The following SDK2 variants were observed in gnomAD, a reference collection of about 807,000 sequenced individuals.
SDK2 encodes sidekick cell adhesion molecule 2, also known as protein sidekick-2.
In SDK2, 105 loss-of-function variants were observed where a neutral mutation model predicts 253.9. The ratio of observed to expected loss-of-function variants is 0.41; its 90% CI spans 0.35 to 0.49. SDK2 has a LOEUF of 0.49. Ranked by LOEUF, SDK2 falls within the 20% of genes least tolerant of loss-of-function variation. SDK2 has a pLI of 0.06. For synonymous variants in SDK2, 1,249 were observed against 1,234.9 expected (o/e 1.01, Z -0.24); for missense variants, 2,608 against 3,003.0 (o/e 0.87, Z 3.07).
intron 5 of SDK2, among the ~76,000 whole-genome samples, chr17:73,446,649 G>A (rs1247728514): frequency 3.3e-5 from 5 of 152,200 alleles, no homozygotes; most frequent in African/African-American, 1.2e-4. Flanking sequence ...CTTGCCGCTG[G>A]TGGGCAAGTA....
intron 1 of SDK2, among the ~76,000 whole-genome samples, chr17:73,546,630 A>T (rs1349383324): frequency 1.3e-5 from 2 of 152,210 alleles, no homozygotes; most frequent in Non-Finnish European, 2.9e-5. Flanking sequence ...TGGACTGGGC[A>T]GCAGGTGTGG....
rs2063317991 is a variant in SDK2, at chr17:73,430,516, G to A, written c.1578C>T (p.Thr526=). 6.2e-7 allele frequency: 1 copy of A among 1,605,902 alleles called. No individual in the cohort carries two copies. Among genetic ancestry groups the A allele is most frequent in the Non-Finnish European group, 8.5e-7 (1 of 1,175,606 alleles). Residue 526 remains threonine (T), a synonymous_variant, in exon 12 of 45, where the codon ACC becomes ACT. Coordinates refer to ENST00000392650, the MANE Select transcript of SDK2 (RefSeq NM_001144952.2). ...GTCAACAGCAGAGCCAGTACCTGAT[G>A]GTTACTCGGGGGTCGTGGGTCACTC... ...VCGVTHDPRV[T]IRYIWEKDGA...
intron 1 of SDK2, among the ~76,000 whole-genome samples, chr17:73,573,476 C>T (rs2045415697): frequency 6.6e-6 from 1 of 152,116 alleles, no homozygotes. Context: ...CAGGAATGGT[C>T]ACCTCTACCC....
chr17:73,461,455 G>C (rs2063562002), intron 3 of SDK2, among the ~76,000 whole-genome samples: 1 of 152,260 alleles, frequency 6.6e-6, no homozygotes, highest in Non-Finnish European at 1.5e-5. Flanking sequence ...ACCTACTTCA[G>C]ACTGGGATTT....
intron 1 of SDK2, among the ~76,000 whole-genome samples, chr17:73,635,083 T>C (rs903487526): frequency 2.0e-5 from 3 of 151,980 alleles, no homozygotes; most frequent in African/African-American, 7.3e-5. Context: ...CCTCCCAGGT[T>C]CAAGCAATTC....
intron 3 of SDK2, 72 bp from the exon 4 acceptor site, chr17:73,456,125 G>A (rs902453279): frequency 5.1e-5 from 72 of 1,409,424 alleles, no homozygotes; most frequent in Non-Finnish European, 5.7e-5. Context: ...CTCCCAGGTT[G>A]GGAGTGGTGG....
intron 37 of SDK2, among the ~76,000 whole-genome samples, chr17:73,366,195 G>A (rs1413442810): frequency 4.6e-5 from 7 of 152,176 alleles, no homozygotes; most frequent in Non-Finnish European, 8.8e-5. Context: ...TTTGAAGGAG[G>A]GAGGTGAGCT....
chr17:73,350,566 G>C, intron 42 of SDK2, 84 bp downstream of exon 42: 1 of 1,479,798 alleles, frequency 6.8e-7, no homozygotes, highest in Non-Finnish European at 9.1e-7. Context: ...AGCCAGGAGA[G>C]GGACCTGATC....
At chr17:73,373,521 C>T (rs1463383881) in intron 36 of SDK2, among the ~76,000 whole-genome samples, 1 of 152,182 alleles carries the variant, frequency 6.6e-6, no homozygotes, top group African/African-American at 2.4e-5. Context: ...CTTACCACCA[C>T]TTATCTCTAG....
At chr17:73,410,732 C>T (rs2063118498) in intron 18 of SDK2, among the ~76,000 whole-genome samples, 1 of 152,202 alleles carries the variant, frequency 6.6e-6, no homozygotes, top group South Asian at 2.1e-4. Context: ...GGTCTCCTTA[C>T]TCCTCCACCA....
intron 1 of SDK2, among the ~76,000 whole-genome samples, chr17:73,514,954 G>T (rs2064012855): frequency 6.6e-6 from 1 of 152,158 alleles, no homozygotes; most frequent in East Asian, 1.9e-4. Flanking sequence ...GGGTCAGAGG[G>T]AGCAGGGGCT....
intron 2 of SDK2, among the ~76,000 whole-genome samples, chr17:73,476,582 T>C (rs2145702549): frequency 6.6e-6 from 1 of 152,348 alleles, no homozygotes; most frequent in East Asian, 1.9e-4. Context: ...TGAGGCGTGG[T>C]GAAATTTAAA....
At chr17:73,396,596 T>C (rs2062972765) in intron 24 of SDK2, among the ~76,000 whole-genome samples, 1 of 152,200 alleles carries the variant, frequency 6.6e-6, no homozygotes, top group South Asian at 2.1e-4. Flanking sequence ...GAGCCGGAGA[T>C]GGGGCTTAAG....
rs985361026 is a variant in SDK2, at chr17:73,335,667, A to C, written c.*2920T>G. The C allele has an allele frequency of 6.6e-6, 1 of 152,214 alleles. No homozygotes were observed. Among genetic ancestry groups the C allele is most frequent in the Admixed American group, 6.5e-5 (1 of 15,282 alleles). 9.4% of individuals were successfully genotyped at this position (152,214 alleles called of 1,614,324 possible). ...ATTGACTAAGTGTGGGACTTTCACC[A>C]TGGGCCCAGCCTGATCTCATGGGCT... is the stretch of plus-strand genomic sequence containing the variant. On this transcript the variant is annotated 3_prime_UTR_variant, in exon 45 of 45. Transcript: ENST00000392650.
intron 2 of SDK2, among the ~76,000 whole-genome samples, chr17:73,485,324 C>G (rs2063763187): frequency 6.6e-6 from 1 of 152,120 alleles, no homozygotes; most frequent in African/African-American, 2.4e-5. Flanking sequence ...AGTGCTGATC[C>G]TGAGGGGAAG....
At chr17:73,374,658 C>T (rs8066879) in intron 36 of SDK2, among the ~76,000 whole-genome samples, 4 of 144,292 alleles carry the variant, frequency 2.8e-5, no homozygotes, top group African/African-American at 5.5e-5. Context: ...AGTAGAGATG[C>T]GGTTTCGTCA....
chr17:73,607,589 G>C (rs990645616), intron 1 of SDK2, among the ~76,000 whole-genome samples: 2 of 152,172 alleles, frequency 1.3e-5, no homozygotes, highest in African/African-American at 4.8e-5. Context: ...AGGTGGGCCA[G>C]ACCCCACTGA....
Position 73,386,506 on chromosome 17 carries a change from G to C in SDK2, c.4437C>G (p.Thr1479=). 1 of 1,562,006 alleles carries C rather than the reference G, an allele frequency of 6.4e-7. No individual in the cohort carries two copies. Residue 1479 remains threonine (T), a synonymous_variant, in exon 31 of 45, where the codon ACC becomes ACG. Coordinates refer to ENST00000392650, the MANE Select transcript of SDK2 (RefSeq NM_001144952.2). ...FTSYKFRVKA[T]NDIGDSEFSE... ...TGAACTCGCTGTCGCCAATGTCATT[G>C]GTCGCCTTCACTCGGAACTTGTAGG...
In SDK2 at chr17:73,609,944, T is replaced by C. The variant is rs1893654420; in HGVS notation, c.64+34081A>G. 2.6e-5 allele frequency among the ~76,000 whole-genome samples: 4 copies of C among 152,156 alleles called. No homozygotes were observed. Among genetic ancestry groups the C allele is most frequent in the Admixed American group, 1.3e-4 (2 of 15,284 alleles). ...CTGGAGCAAGGGCTGGGACTGGTAG[T>C]AGGTGCGGAGCTCAGCCAGGCAGCT... On this transcript the variant is annotated intron_variant, in intron 1 of 44. Coordinates refer to ENST00000392650, the MANE Select transcript of SDK2 (RefSeq NM_001144952.2). The surrounding 1 kb of genome is among the most constrained non-coding windows in gnomAD (Gnocchi z 4.4).
Sources: allele counts gnomAD v4.1 joint callset (sites outside exome capture counted in the v4.1 genomes callset), GRCh38; gene constraint gnomAD v4.1.1; non-coding constraint Gnocchi (gnomAD v3.1); transcripts MANE v1.5; gene names NCBI Gene and HGNC (gene_info 2026-07-23, HGNC 2026-07-21).